Variants in COL13A1 observed in about 807,000 individuals in gnomAD.
COL13A1 encodes collagen alpha-1(XIII) chain.
A neutral mutation model predicts 130.9 loss-of-function variants in COL13A1; 89 were observed. The ratio of observed to expected loss-of-function variants is 0.68; its 90% CI spans 0.57 to 0.81. The LOEUF (loss-of-function observed/expected upper bound fraction) is 0.81. Among genes scored for constraint, COL13A1 ranks in the 30% least tolerant of loss-of-function variants. The probability of loss-of-function intolerance (pLI) is 0.00; values close to 1 mark genes in which losing one functional copy is unlikely to be tolerated. For missense variants in COL13A1, 879 were observed against 934.6 expected (o/e 0.94, Z 0.78); for synonymous variants, 402 against 341.6 (o/e 1.18, Z -1.95).
intron 2 of COL13A1, among the ~76,000 whole-genome samples, chr10:69,829,505 T>A (rs1253456307): frequency 2.0e-5 from 3 of 152,214 alleles, no homozygotes; most frequent in Admixed American, 2.0e-4. Context: ...ACGGGAGCCC[T>A]GGCCAAGCCA....
At chr10:69,833,385 G>A (rs1257224270) in intron 2 of COL13A1, among the ~76,000 whole-genome samples, 4 of 152,212 alleles carry the variant, frequency 2.6e-5, no homozygotes, top group Admixed American at 1.3e-4. Context: ...GACTGCCTAC[G>A]TGCTCTTTAG....
intron 30 of COL13A1, among the ~76,000 whole-genome samples, chr10:69,930,896 G>C (rs1006869120): frequency 6.6e-6 from 1 of 152,204 alleles, no homozygotes; most frequent in African/African-American, 2.4e-5. Flanking sequence ...ACATGGTTTA[G>C]AGCTGCCTCT....
intron 7 of COL13A1, among the ~76,000 whole-genome samples, chr10:69,883,882 A>C (rs1017180684): frequency 6.6e-6 from 1 of 152,226 alleles, no homozygotes; most frequent in Non-Finnish European, 1.5e-5. Flanking sequence ...GCTGGAAGGC[A>C]CTTGCAACAA....
rs1762476450 is a variant in COL13A1 at position 69,958,806 on chromosome 10, G to A, written c.*105G>A. ...TGCCAGAAGTATGATGCATCTTACAGATTATTAAAAAAGAAAGAAAAACCT... is the reference window on the plus strand; with the variant it reads ...TGCCAGAAGTATGATGCATCTTACAAATTATTAAAAAAGAAAGAAAAACCT... On this transcript the variant is annotated 3_prime_UTR_variant, in exon 41 of 41. Coordinates refer to ENST00000645393, the MANE Select transcript of COL13A1 (RefSeq NM_001368882.1). 1 of 1,461,858 alleles carries A rather than the reference G, an allele frequency of 6.8e-7. No individual in the cohort carries two copies. The highest frequency in any genetic ancestry group is 2.3e-5 in the East Asian group (1 of 43,606). 90.6% of individuals were successfully genotyped at this position (1,461,858 alleles called of 1,614,324 possible).
chr10:69,867,786 T>C lies in COL13A1; in HGVS notation c.365-12T>C, dbSNP rs1432630473. The C allele has an allele frequency of 7.0e-6, 5 of 718,424 alleles. No homozygotes were observed. The South Asian group carries it at 7.4e-5, about 11-fold the overall frequency. The allele number at this position is 718,424 out of a possible 1,614,324, so 44.5% of individuals were successfully genotyped here. A position where few individuals can be genotyped will look rare whatever the true frequency, so the allele number is the denominator to read the frequency against. On this transcript the variant is annotated splice_polypyrimidine_tract_variant and intron_variant, in intron 2 of 40. Transcript: ENST00000645393. ...ATGACACTGACCCAGGCATTTTCTC[T>C]CTCTCTTTCAGGACCTCCTGTAAGT...
In COL13A1 at chr10:69,958,801, T is replaced by G; in HGVS notation, c.*100T>G. The G allele has an allele frequency of 2.7e-6, 4 of 1,464,574 alleles. No homozygotes were observed. The allele number at this position is 1,464,574 out of a possible 1,614,324, so 90.7% of individuals were successfully genotyped here. A position where few individuals can be genotyped will look rare whatever the true frequency, so the allele number is the denominator to read the frequency against. On this transcript the variant is annotated 3_prime_UTR_variant, in exon 41 of 41. Coordinates refer to ENST00000645393, the MANE Select transcript of COL13A1 (RefSeq NM_001368882.1). ...GAAAATGCCAGAAGTATGATGCATC[T>G]TACAGATTATTAAAAAAGAAAGAAA...
At chr10:69,879,734 ACACACG>A (rs1308777282) in intron 6 of COL13A1, among the ~76,000 whole-genome samples, 4 of 152,188 alleles carry the variant, frequency 2.6e-5, no homozygotes, top group Non-Finnish European at 5.9e-5. Context: ...TTAGGGACAC[ACACACG>A]CACACATGGC....
intron 13 of COL13A1, among the ~76,000 whole-genome samples, chr10:69,896,653 C>T (rs2061674334): frequency 6.6e-6 from 1 of 152,216 alleles, no homozygotes; most frequent in Non-Finnish European, 1.5e-5. Flanking sequence ...TCTGCCCAGA[C>T]CCTCAGGAAG....
At chr10:69,919,983 C>T (rs2135563356) in intron 21 of COL13A1, among the ~76,000 whole-genome samples, 1 of 152,328 alleles carries the variant, frequency 6.6e-6, no homozygotes, top group East Asian at 1.9e-4. Flanking sequence ...TCCACCTCTG[C>T]TCCCCAAGGA....
At chr10:69,931,161 G>A (rs1253628987) in intron 30 of COL13A1, 4 of 456,126 alleles carry the variant, frequency 8.8e-6, no homozygotes, top group African/African-American at 4.0e-5. Context: ...AGTCTGTAGG[G>A]TCTAGATGGC....
At chr10:69,812,083 C>A (rs890741978) in intron 1 of COL13A1, among the ~76,000 whole-genome samples, 1 of 152,226 alleles carries the variant, frequency 6.6e-6, no homozygotes, top group African/African-American at 2.4e-5. Context: ...TTTTAAAAAA[C>A]TAAGTGTAAT....
chr10:69,859,432 G>A (rs983922990), intron 2 of COL13A1, among the ~76,000 whole-genome samples: 2 of 152,124 alleles, frequency 1.3e-5, no homozygotes, highest in African/African-American at 4.8e-5. Flanking sequence ...CCTGAGCTGT[G>A]ACCCTTCCCC....
intron 2 of COL13A1, among the ~76,000 whole-genome samples, chr10:69,840,191 G>T (rs1052197932): frequency 1.3e-5 from 2 of 152,214 alleles, no homozygotes; most frequent in Non-Finnish European, 2.9e-5. Context: ...TGTTGACTGG[G>T]CTGGGCTGTG....
At chr10:69,948,252 T>C (rs892480810) in intron 38 of COL13A1, among the ~76,000 whole-genome samples, 3 of 152,114 alleles carry the variant, frequency 2.0e-5, no homozygotes, top group African/African-American at 7.2e-5. Context: ...AGAACCCAGG[T>C]CTTGTGGCTG....
chr10:69,953,883 C>G (rs1021806867), intron 39 of COL13A1: 1 of 152,734 alleles, frequency 6.5e-6, no homozygotes, highest in African/African-American at 2.4e-5. Context: ...CTGGGCCTCT[C>G]TATTCCATGG....
chr10:69,927,485 C>T (rs1224915508), intron 27 of COL13A1, among the ~76,000 whole-genome samples: 2 of 152,138 alleles, frequency 1.3e-5, no homozygotes, highest in African/African-American at 4.8e-5. Context: ...CTAATTAAAT[C>T]CTGAAAAACT....
At chr10:69,853,851 G>A (rs894430510) in intron 2 of COL13A1, among the ~76,000 whole-genome samples, 10 of 152,222 alleles carry the variant, frequency 6.6e-5, no homozygotes, top group African/African-American at 1.2e-4. Context: ...GTAGGTATGC[G>A]TGTGGACGAG....
At chr10:69,831,143 G>A (rs1339754977) in intron 2 of COL13A1, among the ~76,000 whole-genome samples, 3 of 152,192 alleles carry the variant, frequency 2.0e-5, no homozygotes, top group Non-Finnish European at 4.4e-5. Flanking sequence ...GATGTTGAAG[G>A]AATCCTTCAT....
At chr10:69,844,960 A>C (rs1201377811) in intron 2 of COL13A1, among the ~76,000 whole-genome samples, 1 of 152,186 alleles carries the variant, frequency 6.6e-6, no homozygotes, top group African/African-American at 2.4e-5. Context: ...ACTTTTCCTA[A>C]GGATCTTGAG....
Sources: allele counts gnomAD v4.1 joint callset (sites outside exome capture counted in the v4.1 genomes callset), GRCh38; gene constraint gnomAD v4.1.1; transcripts MANE v1.5; gene names NCBI Gene and HGNC (gene_info 2026-07-23, HGNC 2026-07-21).